DLGAP2: variants seen among roughly 807,000 people sequenced by gnomAD.
DLGAP2 encodes disks large-associated protein 2.
A neutral mutation model predicts 100.3 loss-of-function variants in DLGAP2; 26 were observed. That is an observed-to-expected ratio of 0.26 (90% CI 0.19 to 0.36). The LOEUF is 0.36. Among genes scored for constraint, DLGAP2 ranks in the 10% least tolerant of loss-of-function variants. The probability of loss-of-function intolerance (pLI) is 1.00; values close to 1 mark genes in which losing one functional copy is unlikely to be tolerated. For missense variants in DLGAP2, 1,858 were observed against 1,453.2 expected, an observed-to-expected ratio of 1.28 and a Z score of -4.53; for synonymous variants, 886 against 630.1, an observed-to-expected ratio of 1.41 and a Z score of -6.08.
intron 2 of DLGAP2, among the ~76,000 whole-genome samples, chr8:948,531 C>T (rs552315824): frequency 2.0e-5 from 3 of 152,360 alleles, no homozygotes; most frequent in South Asian, 4.1e-4. Flanking sequence ...TTGGCTCCTC[C>T]GCTCTGCTCC....
chr8:1,336,804 G>A (rs1274361622), intron 3 of DLGAP2, among the ~76,000 whole-genome samples: 1 of 151,968 alleles, frequency 6.6e-6, no homozygotes, highest in Non-Finnish European at 1.5e-5. Context: ...AAGAGCTGTT[G>A]TTCATTTAAT....
At chr8:1,214,591 G>A (rs1271163830) in intron 2 of DLGAP2, among the ~76,000 whole-genome samples, 1 of 152,186 alleles carries the variant, frequency 6.6e-6, no homozygotes, top group Non-Finnish European at 1.5e-5. Context: ...CATTTATCCT[G>A]TGGCCTCTTT....
chr8:1,642,136 T>C (rs1306636110), intron 8 of DLGAP2, among the ~76,000 whole-genome samples: 3 of 13,478 alleles, frequency 2.2e-4, no homozygotes, highest in Non-Finnish European at 3.4e-4. Flanking sequence ...CTGCCGGTCC[T>C]CACCTGTGTC....
chr8:1,164,762 A>G (rs186100129), intron 2 of DLGAP2, among the ~76,000 whole-genome samples: 130 of 152,232 alleles, frequency 8.5e-4, no homozygotes, highest in Non-Finnish European at 1.5e-3. Flanking sequence ...GTCTATGTGA[A>G]AAGTCATTCT....
chr8:998,994 A>G (rs979485158), intron 2 of DLGAP2, among the ~76,000 whole-genome samples: 1 of 152,160 alleles, frequency 6.6e-6, no homozygotes, highest in African/African-American at 2.4e-5. Flanking sequence ...TGTTACCTGT[A>G]GAATCCTGAG....
At position 1,548,702 on chromosome 8, in the gene DLGAP2, C is replaced by G; in HGVS notation, c.249C>G (p.Gly83=). The G allele has an allele frequency of 6.2e-7, 1 of 1,607,310 alleles. No individual in the cohort carries two copies. Among genetic ancestry groups the G allele is most frequent in the Non-Finnish European group, 8.5e-7 (1 of 1,178,140 alleles). ...RYSPAPRSMK[G]LSGSRTQPPL... ...CGCCCGCGCCCAGGAGCATGAAGGG[C>G]CTTTCCGGAAGTCGGACCCAGCCGC... The change falls in exon 5 of 15, where the codon GGC becomes GGG. Residue 83 remains glycine, a synonymous_variant. Transcript: ENST00000637795.
intron 1 of DLGAP2, among the ~76,000 whole-genome samples, chr8:791,531 A>T (rs1449309524): frequency 6.6e-6 from 1 of 152,242 alleles, no homozygotes; most frequent in Non-Finnish European, 1.5e-5. Flanking sequence ...ATAGGTGTAT[A>T]TGAAACAAAG....
intron 4 of DLGAP2, among the ~76,000 whole-genome samples, chr8:1,518,781 A>C (rs977679595): frequency 3.3e-5 from 5 of 152,218 alleles, no homozygotes; most frequent in Admixed American, 1.3e-4. Flanking sequence ...TATCGAACCC[A>C]TGTTAGATAT....
chr8:1,452,346 G>A, intron 3 of DLGAP2, among the ~76,000 whole-genome samples: 1 of 152,250 alleles, frequency 6.6e-6, no homozygotes, highest in East Asian at 1.9e-4. Context: ...GGACAGAGGT[G>A]ACTGTGGGAA....
intron 13 of DLGAP2, among the ~76,000 whole-genome samples, chr8:1,692,454 G>C (rs1385718287): frequency 6.6e-6 from 1 of 150,952 alleles, no homozygotes; most frequent in African/African-American, 2.4e-5. Context: ...CCGAGGCAGG[G>C]AGGTGGATAT....
rs147280566 is a variant in DLGAP2 at position 1,353,260 on chromosome 8, G to A, written c.106+94377G>A. Among the ~76,000 whole-genome samples, 4 of 152,304 alleles carry A rather than the reference G, an allele frequency of 2.6e-5. No individual in the cohort carries two copies. In the East Asian group the frequency reaches 7.7e-4, roughly 29 times the overall value. ...GTGTGTGCACAGGAGGCTTTCTCTA[G>A]ACACATGTGAACAGAGGGACAGACG... On this transcript the variant is annotated intron_variant, in intron 3 of 14. Transcript: ENST00000637795.
At chr8:1,456,982 T>G (rs1798334783) in intron 3 of DLGAP2, among the ~76,000 whole-genome samples, 1 of 152,244 alleles carries the variant, frequency 6.6e-6, no homozygotes, top group African/African-American at 2.4e-5. Flanking sequence ...CGCCCAGGCC[T>G]GCAATTAGCC....
intron 2 of DLGAP2, among the ~76,000 whole-genome samples, chr8:1,243,962 GCC>G: frequency 6.6e-6 from 1 of 152,086 alleles, no homozygotes. Flanking sequence ...CCAGCTCCCA[GCC>G]TCCGCACTCC....
chr8:1,360,054 C>G (rs1801944665), intron 3 of DLGAP2, among the ~76,000 whole-genome samples: 2 of 152,302 alleles, frequency 1.3e-5, no homozygotes, highest in East Asian at 1.9e-4. Flanking sequence ...CTTTCCGCCT[C>G]TTCATCCCCG....
At chr8:1,440,807 A>G (rs996510441) in intron 3 of DLGAP2, among the ~76,000 whole-genome samples, 4 of 152,226 alleles carry the variant, frequency 2.6e-5, no homozygotes, top group African/African-American at 9.6e-5. Context: ...GCTTATGAGG[A>G]CAAATGGCTC....
Position 907,982 on chromosome 8 carries a change from T to A in DLGAP2, c.73+16T>A, listed in dbSNP as rs758874353. 5.0e-6 allele frequency: 2 copies of A among 398,876 alleles called. No individual in the cohort carries two copies. Among genetic ancestry groups the A allele is most frequent in the African/African-American group, 2.1e-5 (1 of 48,636 alleles). 24.7% of individuals were successfully genotyped at this position (398,876 alleles called of 1,614,324 possible). ...AGGAATACAGGTAAATACATTTCAT[T>A]CTTCTGATTTGGGATTATATGTTTC... On this transcript the variant is annotated intron_variant, in intron 2 of 14. Transcript: ENST00000637795.
chr8:965,230 AC>A (rs1799824939), intron 2 of DLGAP2, among the ~76,000 whole-genome samples: 1 of 125,608 alleles, frequency 8.0e-6, no homozygotes, highest in Non-Finnish European at 1.6e-5. Context: ...CGCACTGCAC[AC>A]GGCACTGTTC....
Position 1,164,639 on chromosome 8 carries a change from G to C in DLGAP2, c.74-94212G>C, listed in dbSNP as rs1796978991. ...GGAAGAGCCATGCTCAGAACCGCCA[G>C]GGCCTGTCTCTAAGGCCCTTGCCTG... On this transcript the variant is annotated intron_variant, in intron 2 of 14. Coordinates refer to ENST00000637795, the MANE Select transcript of DLGAP2 (RefSeq NM_001346810.2). 3.3e-5 allele frequency among the ~76,000 whole-genome samples: 5 copies of C among 152,202 alleles called. No homozygotes were observed. The South Asian group carries it at 8.3e-4, about 25-fold the overall frequency.
chr8:948,069 C>T (rs987515788), intron 2 of DLGAP2, among the ~76,000 whole-genome samples: 2 of 148,936 alleles, frequency 1.3e-5, no homozygotes, highest in African/African-American at 5.0e-5. Context: ...TGCGCCATGG[C>T]TTCCCCGACC....
Sources: allele counts gnomAD v4.1 joint callset (sites outside exome capture counted in the v4.1 genomes callset), GRCh38; gene constraint gnomAD v4.1.1; transcripts MANE v1.5; gene names NCBI Gene and HGNC (gene_info 2026-07-23, HGNC 2026-07-21).